CSMD1: variants seen among roughly 807,000 people sequenced by gnomAD.
The protein encoded by CSMD1 is CUB and sushi domain-containing protein 1.
A neutral mutation model predicts 417.5 loss-of-function variants in CSMD1; 213 were observed. The ratio of observed to expected loss-of-function variants is 0.51; its 90% CI spans 0.46 to 0.57. The LOEUF is 0.57. Among genes scored for constraint, CSMD1 ranks in the 20% least tolerant of loss-of-function variants. The pLI, the probability that CSMD1 is intolerant of heterozygous loss-of-function variation, is 0.00. For synonymous variants in CSMD1, 2,862 were observed against 1,736.8 expected (o/e 1.65, Z -16.11); for missense variants, 6,923 against 4,529.7 (o/e 1.53, Z -15.17).
chr8:2,973,817 TG>T (rs1349967009), intron 56 of CSMD1, among the ~76,000 whole-genome samples: 3 of 151,320 alleles, frequency 2.0e-5, no homozygotes, highest in Non-Finnish European at 4.4e-5. Context: ...CGGTTAATGG[TG>T]GTAGAGGATG....
chr8:3,283,243 T>C (rs1433021697), intron 26 of CSMD1, among the ~76,000 whole-genome samples: 1 of 151,968 alleles, frequency 6.6e-6, no homozygotes. Flanking sequence ...AATCAAAGCG[T>C]GTTTGATTAG....
chr8:3,459,178 G>T (rs148230555), intron 12 of CSMD1, among the ~76,000 whole-genome samples: 329 of 152,346 alleles, frequency 2.2e-3, no homozygotes, highest in African/African-American at 7.5e-3. Flanking sequence ...AAGAGGGGCA[G>T]AAATTCAGTG....
At chr8:3,945,015 A>C (rs1811127388) in intron 5 of CSMD1, among the ~76,000 whole-genome samples, 1 of 152,174 alleles carries the variant, frequency 6.6e-6, no homozygotes, top group Non-Finnish European at 1.5e-5. Flanking sequence ...TCAAATGTGA[A>C]ATGTCAGATG....
At chr8:4,626,517 A>T (rs1802123315) in intron 2 of CSMD1, among the ~76,000 whole-genome samples, 1 of 152,072 alleles carries the variant, frequency 6.6e-6, no homozygotes, top group African/African-American at 2.4e-5. Context: ...ACGTTGAGAG[A>T]AAGTTATCTG....
intron 2 of CSMD1, among the ~76,000 whole-genome samples, chr8:4,634,546 A>G (rs922374538): frequency 6.6e-6 from 1 of 152,344 alleles, no homozygotes; most frequent in Non-Finnish European, 1.5e-5. Context: ...GACAGCTCTA[A>G]GCAATAACTT....
At chr8:3,289,630 A>T (rs1482739546) in intron 25 of CSMD1, among the ~76,000 whole-genome samples, 1 of 146,638 alleles carries the variant, frequency 6.8e-6, no homozygotes, top group Non-Finnish European at 1.5e-5. Context: ...TCTTCTTTTG[A>T]GAAGTGTCTG....
intron 3 of CSMD1, among the ~76,000 whole-genome samples, chr8:4,053,404 T>C (rs1310363820): frequency 6.6e-6 from 1 of 152,044 alleles, no homozygotes; most frequent in Non-Finnish European, 1.5e-5. Context: ...TCTACCTTGG[T>C]GTGAATAGCT....
At chr8:3,356,682 AAAC>A (rs1024851671) in intron 21 of CSMD1, among the ~76,000 whole-genome samples, 5 of 146,706 alleles carry the variant, frequency 3.4e-5, no homozygotes, top group South Asian at 4.4e-4. Flanking sequence ...TCTCAAAACA[AAAC>A]AACAACAACA....
intron 10 of CSMD1, among the ~76,000 whole-genome samples, chr8:3,530,388 T>C (rs564206531): frequency 1.3e-5 from 2 of 152,374 alleles, no homozygotes; most frequent in Admixed American, 1.3e-4. Flanking sequence ...AAGTTTCCAA[T>C]TTCCCTTGTG....
intron 1 of CSMD1, among the ~76,000 whole-genome samples, chr8:4,936,035 A>C (rs147483222): frequency 1.1e-3 from 161 of 152,344 alleles, no homozygotes; most frequent in African/African-American, 3.7e-3. Context: ...TGCATTAGGG[A>C]GTGAAGACTT....
chr8:4,513,814 G>T (rs1027064513), intron 2 of CSMD1, among the ~76,000 whole-genome samples: 1 of 152,134 alleles, frequency 6.6e-6, no homozygotes, highest in Admixed American at 6.5e-5. Context: ...CTTAAGCTAC[G>T]CTTTCTCTGT....
intron 3 of CSMD1, among the ~76,000 whole-genome samples, chr8:4,103,630 G>C (rs1305097711): frequency 6.6e-6 from 1 of 152,022 alleles, no homozygotes. Context: ...GTAGTCTTAA[G>C]GATCTTTAAA....
At chr8:4,822,019 C>G (rs1799552633) in intron 1 of CSMD1, among the ~76,000 whole-genome samples, 1 of 152,132 alleles carries the variant, frequency 6.6e-6, no homozygotes, top group African/African-American at 2.4e-5. Flanking sequence ...GATGTCATCA[C>G]TACTATGGGA....
chr8:3,668,051 G>C (rs560365029), intron 7 of CSMD1, among the ~76,000 whole-genome samples: 2 of 152,160 alleles, frequency 1.3e-5, no homozygotes, highest in African/African-American at 4.8e-5. Flanking sequence ...TCCCAAGGAT[G>C]AGCCTTGCTC....
chr8:4,192,540 G>A (rs1006830579), intron 3 of CSMD1, among the ~76,000 whole-genome samples: 1 of 152,030 alleles, frequency 6.6e-6, no homozygotes, highest in Non-Finnish European at 1.5e-5. Context: ...AGCAACAGGG[G>A]CTTTTATCTA....
At chr8:3,240,346 G>A (rs1054451333) in intron 26 of CSMD1, among the ~76,000 whole-genome samples, 2 of 152,124 alleles carry the variant, frequency 1.3e-5, no homozygotes, top group Non-Finnish European at 2.9e-5. Context: ...TTCCTTTTGT[G>A]AGTTTATATA....
intron 5 of CSMD1, among the ~76,000 whole-genome samples, chr8:3,780,858 G>A (rs1362530907): frequency 2.0e-5 from 3 of 152,140 alleles, no homozygotes; most frequent in Non-Finnish European, 2.9e-5. Context: ...TCTGCTTATT[G>A]GATATTTTGA....
chr8:4,014,080 C>T (rs1226514853), intron 4 of CSMD1, among the ~76,000 whole-genome samples: 1 of 152,130 alleles, frequency 6.6e-6, no homozygotes, highest in Non-Finnish European at 1.5e-5. Context: ...AACTTTTGAG[C>T]ATCATTTCAA....
intron 3 of CSMD1, among the ~76,000 whole-genome samples, chr8:4,056,742 G>A (rs548907034): frequency 2.3e-4 from 35 of 151,522 alleles, no homozygotes; most frequent in South Asian, 1.0e-3. Context: ...GTGTCCATGC[G>A]TTCTCATTGT....
Sources: gnomAD v4.1 joint callset for allele counts (sites outside exome capture counted in the v4.1 genomes callset) on GRCh38, gnomAD v4.1.1 for gene constraint, MANE v1.5 for transcripts, NCBI Gene and HGNC (gene_info 2026-07-23, HGNC 2026-07-21) for gene names.